PDXDC1: variants seen among roughly 807,000 people sequenced by gnomAD.
PDXDC1 encodes pyridoxal-dependent decarboxylase domain-containing protein 1.
A neutral mutation model predicts 100.1 loss-of-function variants in PDXDC1; 42 were observed. The ratio of observed to expected loss-of-function variants is 0.42; its 90% CI spans 0.33 to 0.54. PDXDC1 has a LOEUF of 0.54. Among genes scored for constraint, PDXDC1 ranks in the 20% least tolerant of loss-of-function variants. PDXDC1 has a pLI of 0.10. For synonymous variants in PDXDC1, 260 were observed against 371.7 expected, an observed-to-expected ratio of 0.70 and a Z score of 3.46; for missense variants, 636 against 979.2, an observed-to-expected ratio of 0.65 and a Z score of 4.68.
At chr16:15,100,514 G>A (rs2046504650) in intron 16 of PDXDC1, among the ~76,000 whole-genome samples, 1 of 152,142 alleles carries the variant, frequency 6.6e-6, no homozygotes, top group South Asian at 2.1e-4. Context: ...CTTCTCTGTT[G>A]GGTGGGGAGG....
chr16:15,042,175 A>G (rs1367780047), downstream of PDXDC1, among the ~76,000 whole-genome samples: 1 of 149,204 alleles, frequency 6.7e-6, no homozygotes, highest in Non-Finnish European at 1.5e-5. Flanking sequence ...CTATAAAGAC[A>G]ATTTTATATC....
intron 16 of PDXDC1, chr16:15,136,815 C>G (rs2048359941): frequency 3.4e-6 from 4 of 1,171,098 alleles, no homozygotes; most frequent in Middle Eastern, 2.7e-4. Flanking sequence ...GTACCAGGCT[C>G]TGCCCCATCT....
chr16:15,142,110 G>A (rs938453027), downstream of PDXDC1, among the ~76,000 whole-genome samples: 1 of 152,170 alleles, frequency 6.6e-6, no homozygotes, highest in Non-Finnish European at 1.5e-5. Flanking sequence ...CGGGAGAAAG[G>A]AAAGAAGGAA....
chr16:15,027,700 G>A (rs369930384), intron 14 of PDXDC1, among the ~76,000 whole-genome samples: 9 of 152,288 alleles, frequency 5.9e-5, no homozygotes, highest in South Asian at 2.1e-4. Flanking sequence ...GGGGCCTGTC[G>A]GGGTGCTCTT....
At chr16:15,087,195 T>C (rs2045943493) in intron 16 of PDXDC1, among the ~76,000 whole-genome samples, 1 of 152,070 alleles carries the variant, frequency 6.6e-6, no homozygotes, top group African/African-American at 2.4e-5. Flanking sequence ...GACATATAAA[T>C]AAAAGCAACA....
chr16:15,076,806 TG>T (rs1442858119), intron 16 of PDXDC1, among the ~76,000 whole-genome samples: 1 of 152,250 alleles, frequency 6.6e-6, no homozygotes, highest in African/African-American at 2.4e-5. Context: ...GGTGCAAGCC[TG>T]TAAACTGACC....
At chr16:15,047,217 T>C in intron 16 of PDXDC1, 1 of 530,072 alleles carries the variant, frequency 1.9e-6, no homozygotes, top group African/African-American at 1.9e-5. Context: ...AAGTCAAGCC[T>C]TCCATCTCAA....
chr16:15,063,822 A>T (rs2044832652), intron 16 of PDXDC1, among the ~76,000 whole-genome samples: 2 of 152,144 alleles, frequency 1.3e-5, no homozygotes, highest in Admixed American at 1.3e-4. Flanking sequence ...TGGAGTATTG[A>T]ACTACCGTTT....
chr16:15,081,590 A>G (rs1308024216), intron 16 of PDXDC1, among the ~76,000 whole-genome samples: 2 of 152,212 alleles, frequency 1.3e-5, no homozygotes, highest in Non-Finnish European at 2.9e-5. Context: ...ATTACCAGAC[A>G]TAAAATTTAG....
chr16:15,086,058 T>A, intron 16 of PDXDC1: 1 of 1,397,318 alleles, frequency 7.2e-7, no homozygotes, highest in Non-Finnish European at 9.8e-7. Flanking sequence ...CAGTCTCTCA[T>A]ATATAAGGGG....
At chr16:15,096,757 G>T (rs1183320660) in intron 16 of PDXDC1, among the ~76,000 whole-genome samples, 1 of 152,232 alleles carries the variant, frequency 6.6e-6, no homozygotes, top group Non-Finnish European at 1.5e-5. Context: ...ATCATGGCTC[G>T]TTGCAGCCTC....
At chr16:15,144,234 G>A (rs1451762435), downstream of PDXDC1, among the ~76,000 whole-genome samples, 2 of 152,222 alleles carry the variant, frequency 1.3e-5, no homozygotes, top group Non-Finnish European at 2.9e-5. Flanking sequence ...CACCCCCACT[G>A]TGGCCCCTTC....
chr16:15,055,313 T>C (rs1409185823), intron 16 of PDXDC1, among the ~76,000 whole-genome samples: 2 of 152,184 alleles, frequency 1.3e-5, no homozygotes, highest in Non-Finnish European at 2.9e-5. Context: ...GGCGTGGTCC[T>C]ATGGCCCAGC....
At chr16:14,984,476 C>CATATATATATATATATATAT (rs749990542) in intron 1 of PDXDC1, among the ~76,000 whole-genome samples, 25 of 92,674 alleles carry the variant, frequency 2.7e-4, no homozygotes, top group Middle Eastern at 7.0e-3. Context: ...TGTGTGTATA[C>CATATATATATATATATATAT]ATATATATAT....
At chr16:15,122,806 G>A (rs1323845636) in intron 16 of PDXDC1, among the ~76,000 whole-genome samples, 16 of 116,772 alleles carry the variant, frequency 1.4e-4, no homozygotes, top group East Asian at 5.6e-4. Flanking sequence ...GGGACTGGGC[G>A]GGATCTGAGT....
At chr16:15,130,369 T>C in intron 16 of PDXDC1, 2 of 1,569,966 alleles carry the variant, frequency 1.3e-6, no homozygotes, top group Non-Finnish European at 1.7e-6. Flanking sequence ...CACAGGGACG[T>C]GTACAGGCCC....
chr16:14,987,852 T>G (rs1284014489), intron 1 of PDXDC1, among the ~76,000 whole-genome samples: 1 of 152,278 alleles, frequency 6.6e-6, no homozygotes, highest in Non-Finnish European at 1.5e-5. Flanking sequence ...CCTCAGGTGA[T>G]CCACCAACCT....
At chr16:15,040,513 A>G (rs77126313), downstream of PDXDC1, 35 of 175,264 alleles carry the variant, frequency 2.0e-4, no homozygotes, top group African/African-American at 8.3e-4. Flanking sequence ...TCAATCAAGT[A>G]TCACCGCTAC....
intron 16 of PDXDC1, chr16:15,079,955 C>G: frequency 1.3e-6 from 2 of 1,530,420 alleles, no homozygotes; most frequent in Non-Finnish European, 1.8e-6. Flanking sequence ...ATAACAAATT[C>G]AAGTCAGTAA....
Sources: gnomAD v4.1 joint callset for allele counts (sites outside exome capture counted in the v4.1 genomes callset) on GRCh38, gnomAD v4.1.1 for gene constraint, MANE v1.5 for transcripts, NCBI Gene and HGNC (gene_info 2026-07-23, HGNC 2026-07-21) for gene names.